The following TYK2 variants were observed in gnomAD, a reference collection of about 807,000 sequenced individuals.
TYK2 encodes tyrosine kinase 2.
TYK2 carries 65 observed loss-of-function variants against 130.9 expected under a neutral mutation model. That is an observed-to-expected ratio of 0.50 (90% confidence interval 0.41 to 0.61). The LOEUF (loss-of-function observed/expected upper bound fraction) is 0.61, where lower values mean the gene tolerates loss of function less well. Ranked by LOEUF, TYK2 falls within the 20% of genes least tolerant of loss-of-function variation. TYK2 has a pLI of 0.00. For synonymous variants in TYK2, 647 were observed against 658.9 expected, an observed-to-expected ratio of 0.98 and a Z score of 0.28; for missense variants, 1,378 against 1,610.7, an observed-to-expected ratio of 0.86 and a Z score of 2.47.
chr19:10,356,707 G>A lies in TYK2; in HGVS notation c.2478C>T (p.Phe826=). The A allele has an allele frequency of 6.2e-7, 1 of 1,608,486 alleles. No individual in the cohort carries two copies. Reference sequence around the variant, plus strand: ...CGGGCAGCCGGTGCTGCCTCTGGTAGAAATGCTCCTTCTGTTGGGAAAGGG... The same window carrying A: ...CGGGCAGCCGGTGCTGCCTCTGGTAAAAATGCTCCTTCTGTTGGGAAAGGG... The part of the protein sequence containing the change: ...QSRSPSEKEH[F]YQRQHRLPEP... The change falls in exon 18 of 25, where the codon TTC becomes TTT. Residue 826 remains phenylalanine, a synonymous_variant. Coordinates refer to ENST00000525621, the MANE Select transcript of TYK2 (RefSeq NM_003331.5).
intron 2 of TYK2, among the ~76,000 whole-genome samples, chr19:10,378,833 ATAT>A (rs2042264544): frequency 2.4e-3 from 350 of 148,916 alleles, no homozygotes; most frequent in South Asian, 0.016. Flanking sequence ...GTTTTATTTT[ATAT>A]CTTATCTTAT....
chr19:10,365,759 C>G lies in TYK2; in HGVS notation c.769G>C (p.Val257Leu). The change falls in exon 7 of 25, where the codon GTC becomes CTC. Residue 257 changes from valine to leucine, a missense_variant. Physicochemically the swap from Val to Leu is conservative, Grantham distance 32. Transcript: ENST00000525621. ...PGRLSQQMVM[V>L]KYLATLERLA... ...CGCTCGAGTGTGGCTAGGTATTTGA[C>G]CATGACCATCTGCTGGGAGAGTCGG... The G allele has an allele frequency of 6.2e-7, 1 of 1,612,874 alleles. No individual in the cohort carries two copies. Among genetic ancestry groups the G allele is most frequent in the Non-Finnish European group, 8.5e-7 (1 of 1,179,854 alleles).
At position 10,353,205 on chromosome 19, in the gene TYK2, G is replaced by GGTAGCCACCGGCC; in HGVS notation, c.3028-108_3028-107insGGCCGGTGGCTAC. 1 of 1,029,204 alleles carries GGTAGCCACCGGCC rather than the reference G, an allele frequency of 9.7e-7. No homozygotes were observed. Among genetic ancestry groups the GGTAGCCACCGGCC allele is most frequent in the Non-Finnish European group, 1.3e-6 (1 of 751,390 alleles). The allele number at this position is 1,029,204 out of a possible 1,614,324, so 63.8% of individuals were successfully genotyped here. On this transcript the variant is annotated intron_variant, in intron 21 of 24. Transcript: ENST00000525621. This position sits in a 1 kb window ranked among gnomAD's most constrained non-coding sequence, Gnocchi z 6.9. Reference sequence around the variant, plus strand: ...GCTGGGGGACAGTCAGGTCAGGCCGGTGGCTACCCGGCCGCTGGAGAGGGC... The same window carrying GGTAGCCACCGGCC: ...GCTGGGGGACAGTCAGGTCAGGCCGGGTAGCCACCGGCCTGGCTACCCGGCCGCTGGAGAGGGC...
chr19:10,378,846 TC>T (rs1352859819), intron 2 of TYK2, among the ~76,000 whole-genome samples: 3 of 120,948 alleles, frequency 2.5e-5, no homozygotes, highest in Non-Finnish European at 5.6e-5. Context: ...TCTTATCTTA[TC>T]TTATCTTATC....
At chr19:10,354,459 C>CA in intron 19 of TYK2, 53 bp downstream of exon 19, 2 of 1,552,576 alleles carry the variant, frequency 1.3e-6, no homozygotes, top group Non-Finnish European at 1.8e-6. Context: ...CCTCAACCCC[C>CA]AAACTCCTTC....
chr19:10,368,808 TAAAAC>T, intron 3 of TYK2: 1 of 216,722 alleles, frequency 4.6e-6, no homozygotes. Context: ...TGATTTTAAG[TAAAAC>T]TTTTTTTTTT....
chr19:10,377,549 TGG>T (rs1568346460), intron 3 of TYK2, among the ~76,000 whole-genome samples: 6 of 71,588 alleles, frequency 8.4e-5, no homozygotes, highest in South Asian at 5.4e-4. Flanking sequence ...GATGGATGGG[TGG>T]GTGGGTGGAT....
chr19:10,364,635 T>C lies in TYK2; in HGVS notation c.1346A>G (p.Asp449Gly). The change falls in exon 9 of 25, where the codon GAT (aspartate) becomes GGT (glycine). Residue 449 changes from aspartate to glycine, a missense_variant. Transcript: ENST00000525621. This position sits in a 1 kb window ranked among gnomAD's most constrained non-coding sequence, Gnocchi z 4.9. ...APPRLVMSIR[D>G]GIHGPLLEPF... ...TCACAGCAGGGGTCCGTGGATCCCA[T>C]CCCGGATGCTCATCACCAGCCGTGG... 2 of 1,613,744 alleles carry C rather than the reference T, an allele frequency of 1.2e-6. No homozygotes were observed. Among genetic ancestry groups the C allele is most frequent in the Non-Finnish European group, 1.7e-6 (2 of 1,179,968 alleles).
intron 7 of TYK2, 110 bp from the exon 8 acceptor site, chr19:10,365,158 G>C (rs2041602310): frequency 5.5e-6 from 7 of 1,262,454 alleles, no homozygotes; most frequent in South Asian, 4.6e-5. Flanking sequence ...CACCAACCTA[G>C]GTTGACCTCC....
intron 5 of TYK2, among the ~76,000 whole-genome samples, chr19:10,367,350 G>T (rs774857118): frequency 4.6e-5 from 7 of 152,172 alleles, no homozygotes; most frequent in Non-Finnish European, 1.0e-4. Flanking sequence ...TCTTGGCTGG[G>T]CATGGTGGCT....
In TYK2 at chr19:10,368,007, C is replaced by A. The variant is rs12720253; in HGVS notation, c.465+48G>T. 0.069 allele frequency: 110,660 copies of A among 1,610,352 alleles called. 4,107 individuals carry two copies. The highest frequency in any genetic ancestry group is 0.072 in the Non-Finnish European group (84,742 of 1,177,622). ...GAGGGAAATGGGGGCTCCTCAACTG[C>A]CCCTAAGTCTCCCACAAATAGTCTT... is the stretch of plus-strand genomic sequence containing the variant. On this transcript the variant is annotated intron_variant, in intron 5 of 24. Transcript: ENST00000525621.
intron 12 of TYK2, 50 bp downstream of exon 12, chr19:10,362,028 C>T (rs767026770): frequency 2.5e-6 from 4 of 1,612,728 alleles, no homozygotes; most frequent in Admixed American, 3.3e-5. Flanking sequence ...CCCCAGCACC[C>T]ACATCCCCAG....
rs1334876905 is a variant in TYK2, at chr19:10,377,192, A to G, written c.193+1022T>C. 2.0e-5 allele frequency among the ~76,000 whole-genome samples: 3 copies of G among 152,264 alleles called. No homozygotes were observed. The South Asian group carries it at 6.2e-4, about 32-fold the overall frequency. ...AGTACTGGGATTACAAGTGTCAGCT[A>G]CTGCACCTGGCCAAGTTTTCTGATT... is the stretch of plus-strand genomic sequence containing the variant. On this transcript the variant is annotated intron_variant, in intron 3 of 24. Coordinates refer to ENST00000525621, the MANE Select transcript of TYK2 (RefSeq NM_003331.5).
chr19:10,377,545 TGGGTGGGTGGGTGG>T (rs2042180386), intron 3 of TYK2, among the ~76,000 whole-genome samples: 1 of 68,938 alleles, frequency 1.5e-5, no homozygotes, highest in Admixed American at 2.2e-4. Flanking sequence ...GATGGATGGA[TGGGTGGGTGGGTGG>T]ATGGATGGGT....
At chr19:10,354,391 C>T (rs1259012861) in intron 19 of TYK2, 121 bp downstream of exon 19, 4 of 1,338,554 alleles carry the variant, frequency 3.0e-6, no homozygotes, top group Non-Finnish European at 4.3e-6. Flanking sequence ...CCTAGGCCTC[C>T]CTCAAAGCAG....
At chr19:10,356,871 G>C in intron 17 of TYK2, 153 bp from the exon 18 acceptor site, 1 of 775,842 alleles carries the variant, frequency 1.3e-6, no homozygotes. Flanking sequence ...CCACAAAGTG[G>C]GAGGACGTGC....
rs778243582 is a variant in TYK2, at chr19:10,365,005, A to G, written c.1055T>C (p.Phe352Ser). ...SSGRNPQASL[F>S]GKKAKAHKAV... ...CTTGTGAGCCTTGGCCTTCTTCCCA[A>G]ACAGGCTGGCTTGGGGGTTCCTGCC... The change falls in exon 8 of 25, where the codon TTT becomes TCT. Residue 352 changes from phenylalanine (F) to serine (S), a missense_variant. Physicochemically the swap from Phe to Ser is radical, Grantham distance 155. Coordinates refer to ENST00000525621, the MANE Select transcript of TYK2 (RefSeq NM_003331.5). The G allele has an allele frequency of 1.1e-5, 17 of 1,612,444 alleles. No homozygotes were observed. The Admixed American group carries it at 2.8e-4, about 27-fold the overall frequency.
intron 19 of TYK2, 61 bp downstream of exon 19, chr19:10,354,451 T>G (rs947690216): frequency 9.7e-5 from 149 of 1,528,658 alleles, no homozygotes; most frequent in Non-Finnish European, 1.2e-4. Flanking sequence ...GAATTTATCC[T>G]CAACCCCCAA....
intron 3 of TYK2, among the ~76,000 whole-genome samples, chr19:10,373,724 C>A (rs578097847): frequency 6.6e-6 from 1 of 152,138 alleles, no homozygotes; most frequent in African/African-American, 2.4e-5. Flanking sequence ...CCTTCCATGG[C>A]TCCCCATTGC....
Sources: allele counts gnomAD v4.1 joint callset (sites outside exome capture counted in the v4.1 genomes callset), GRCh38; gene constraint gnomAD v4.1.1; non-coding constraint Gnocchi (gnomAD v3.1); transcripts MANE v1.5; gene names NCBI Gene and HGNC (gene_info 2026-07-23, HGNC 2026-07-21).